Variants in RANGAP1 observed in about 807,000 individuals in gnomAD.
The protein encoded by RANGAP1 is Ran GTPase activating protein 1, also known as ran GTPase-activating protein 1.
Under a neutral mutation model 63.5 loss-of-function variants are expected in RANGAP1, and 38 were observed. That is an observed-to-expected ratio of 0.60 (90% CI 0.46 to 0.78). The LOEUF is 0.78. Among genes scored for constraint, RANGAP1 ranks in the 30% least tolerant of loss-of-function variants. The probability of loss-of-function intolerance (pLI) is 0.00; values close to 1 mark genes in which losing one functional copy is unlikely to be tolerated. For missense variants in RANGAP1, 630 were observed against 740.3 expected (o/e 0.85, Z 1.73); for synonymous variants, 329 against 310.5 (o/e 1.06, Z -0.63).
chr22:41,271,833 C>A (rs967297568), intron 3 of RANGAP1, among the ~76,000 whole-genome samples: 1 of 152,226 alleles, frequency 6.6e-6, no homozygotes, highest in Non-Finnish European at 1.5e-5. Context: ...CAGAGAGAAC[C>A]CCTCTGGCAT....
At chr22:41,275,400 G>C (rs927458204) in intron 2 of RANGAP1, among the ~76,000 whole-genome samples, 1 of 152,058 alleles carries the variant, frequency 6.6e-6, no homozygotes, top group African/African-American at 2.4e-5. Flanking sequence ...GCTGAGGCAG[G>C]AGAATGTCTT....
upstream of RANGAP1, among the ~76,000 whole-genome samples, chr22:41,290,155 AAAAAG>A (rs1448239366): frequency 4.0e-5 from 6 of 150,914 alleles, no homozygotes; most frequent in Non-Finnish European, 5.9e-5. Context: ...AAGAAAAAAA[AAAAAG>A]AGAGAGAGAG....
Position 41,283,871 on chromosome 22 carries a change from T to G in RANGAP1, c.-39+2115A>C, listed in dbSNP as rs111918406. ...AAAGCAGATGTCATCTGACGTACAT[T>G]TTGACAGGATCACTCTACTTGCCAC... On this transcript the variant is annotated intron_variant, in intron 1 of 15. Coordinates refer to ENST00000356244, the MANE Select transcript of RANGAP1 (RefSeq NM_002883.4). Among the ~76,000 whole-genome samples the G allele has an allele frequency of 1.5e-3, 224 of 149,246 alleles. 3 individuals are homozygous for G. Among genetic ancestry groups the G allele is most frequent in the African/African-American group, 5.1e-3 (212 of 41,210 alleles).
chr22:41,267,182 A>G (rs1271986924), intron 4 of RANGAP1, among the ~76,000 whole-genome samples: 2 of 152,102 alleles, frequency 1.3e-5, no homozygotes, highest in African/African-American at 4.8e-5. Flanking sequence ...CCTGGCCAGA[A>G]ATGAATTTTC....
At chr22:41,263,981 T>C (rs567279220) in intron 5 of RANGAP1, among the ~76,000 whole-genome samples, 3 of 152,250 alleles carry the variant, frequency 2.0e-5, no homozygotes, top group South Asian at 4.1e-4. Context: ...AGTTAAGGTA[T>C]TGCATATTCA....
At position 41,257,835 on chromosome 22, in the gene RANGAP1, G is replaced by A. The variant is rs775177914; in HGVS notation, c.774+113C>T. ...TGGAGCCATGGGGCACACACCCAGG[G>A]GGCAGGCAGGGGGTAGAGGAGTCCC... On this transcript the variant is annotated intron_variant, in intron 7 of 15. Coordinates refer to ENST00000356244, the MANE Select transcript of RANGAP1 (RefSeq NM_002883.4). The surrounding 1 kb of genome is among the most constrained non-coding windows in gnomAD (Gnocchi z 4.0). 2 of 1,287,870 alleles carry A rather than the reference G, an allele frequency of 1.6e-6. No homozygotes were observed. The highest frequency in any genetic ancestry group is 1.5e-5 in the South Asian group (1 of 65,722). The allele number at this position is 1,287,870 out of a possible 1,614,324, so 79.8% of individuals were successfully genotyped here. A position where few individuals can be genotyped will look rare whatever the true frequency, so the allele number is the denominator to read the frequency against.
chr22:41,272,095 G>A (rs2034872656), intron 3 of RANGAP1, among the ~76,000 whole-genome samples: 1 of 152,186 alleles, frequency 6.6e-6, no homozygotes, highest in South Asian at 2.1e-4. Context: ...CTGCACGCAG[G>A]GCAAGGCCAC....
chr22:41,245,856 T>C lies in RANGAP1; in HGVS notation c.*747A>G. The C allele has an allele frequency of 6.6e-6, 1 of 152,236 alleles. No homozygotes were observed. Among genetic ancestry groups the C allele is most frequent in the Non-Finnish European group, 1.5e-5 (1 of 68,246 alleles). 9.4% of individuals were successfully genotyped at this position (152,236 alleles called of 1,614,324 possible). ...GAGAACAGCTTTGGGTTGTCAACAC[T>C]CCCCCTCCAGCCAGGCCAGTCACAG... On this transcript the variant is annotated 3_prime_UTR_variant, in exon 16 of 16. Coordinates refer to ENST00000356244, the MANE Select transcript of RANGAP1 (RefSeq NM_002883.4).
intron 1 of RANGAP1, chr22:41,285,566 C>G: frequency 6.1e-6 from 6 of 985,482 alleles, no homozygotes; most frequent in Non-Finnish European, 7.2e-6. Context: ...GACAGCGGCG[C>G]CAGCCCGGGG....
chr22:41,285,874 G>A, intron 1 of RANGAP1, 112 bp downstream of exon 1: 1 of 226,456 alleles, frequency 4.4e-6, no homozygotes, highest in Non-Finnish European at 7.4e-6. Flanking sequence ...CGAAGGCTAA[G>A]TGAAGAAGGC....
rs899327955 is a variant in RANGAP1 at position 41,257,073 on chromosome 22, G to A, written c.775-249C>T. 6.6e-6 allele frequency among the ~76,000 whole-genome samples: 1 copy of A among 151,976 alleles called. No individual in the cohort carries two copies. Among genetic ancestry groups the A allele is most frequent in the African/African-American group, 2.4e-5 (1 of 41,330 alleles). ...CAAGCAAGGTTCCTGCTGAGCATCC[G>A]GGTCTTCCACACGTAAGCTGATCCC... On this transcript the variant is annotated intron_variant, in intron 7 of 15. Transcript: ENST00000356244. This position sits in a 1 kb window ranked among gnomAD's most constrained non-coding sequence, Gnocchi z 4.0.
the RANGAP1 span, among the ~76,000 whole-genome samples, chr22:41,293,760 CAAAAAA>C: frequency 3.6e-5 from 2 of 54,860 alleles, no homozygotes; most frequent in Non-Finnish European, 7.9e-5. Context: ...GACTCTGTCT[CAAAAAA>C]AAAAAAAAAA....
the RANGAP1 span, among the ~76,000 whole-genome samples, chr22:41,295,263 A>AAAGGTGG: frequency 4.6e-3 from 692 of 151,430 alleles, 2 homozygotes; most frequent in African/African-American, 0.015. Context: ...GAAAGGGGGG[A>AAAGGTGG]AAGGTGGGGA....
the RANGAP1 span, chr22:41,301,792 C>G: frequency 3.3e-5 from 5 of 151,890 alleles, no homozygotes; most frequent in Non-Finnish European, 7.4e-5. Flanking sequence ...TGGCGCGGCC[C>G]GAGCCCCGCG....
At chr22:41,262,465 C>T (rs957784038) in intron 5 of RANGAP1, among the ~76,000 whole-genome samples, 4 of 152,150 alleles carry the variant, frequency 2.6e-5, no homozygotes, top group East Asian at 1.9e-4. Context: ...CAGGATTGGC[C>T]GTACTTTACA....
the RANGAP1 span, among the ~76,000 whole-genome samples, chr22:41,299,012 T>C: frequency 6.6e-6 from 1 of 152,102 alleles, no homozygotes; most frequent in South Asian, 2.1e-4. Context: ...AGAGATAATC[T>C]CCCCAGTGTC....
chr22:41,284,251 A>C lies in RANGAP1; in HGVS notation c.-39+1735T>G, dbSNP rs538662296. On this transcript the variant is annotated intron_variant, in intron 1 of 15. Coordinates refer to ENST00000356244, the MANE Select transcript of RANGAP1 (RefSeq NM_002883.4). ...AACAGAGCGAGACTCACCTCAAAAA[A>C]ATAAAATAAAATAAAATAAAATAAA... Among the ~76,000 whole-genome samples the C allele has an allele frequency of 5.9e-5, 9 of 151,780 alleles. No individual in the cohort carries two copies. In the East Asian group the frequency reaches 1.7e-3, roughly 29 times the overall value.
At chr22:41,256,857 G>A (rs764772642) in intron 7 of RANGAP1, 33 bp from the exon 8 acceptor site, 3 of 1,575,612 alleles carry the variant, frequency 1.9e-6, no homozygotes, top group Non-Finnish European at 2.6e-6. Flanking sequence ...CAGAGTGAGG[G>A]TGCAGACCAC....
intron 4 of RANGAP1, among the ~76,000 whole-genome samples, chr22:41,266,602 C>T (rs146883013): frequency 2.8e-4 from 42 of 152,328 alleles, no homozygotes; most frequent in African/African-American, 7.5e-4. Context: ...GGCACAATCT[C>T]AGCTCACTGC....
Sources: allele counts gnomAD v4.1 joint callset (sites outside exome capture counted in the v4.1 genomes callset), GRCh38; gene constraint gnomAD v4.1.1; non-coding constraint Gnocchi (gnomAD v3.1); transcripts MANE v1.5; gene names NCBI Gene and HGNC (gene_info 2026-07-23, HGNC 2026-07-21).